The following APTX variants were observed in gnomAD, a reference collection of about 807,000 sequenced individuals.
The protein encoded by APTX is forkhead-associated domain histidine triad-like protein.
In APTX, 33 loss-of-function variants were observed where a neutral mutation model predicts 42.3. That is an observed-to-expected ratio of 0.78 (90% CI 0.59 to 1.04). The LOEUF (loss-of-function observed/expected upper bound fraction) is 1.04. Among genes scored for constraint, APTX ranks in the 50% least tolerant of loss-of-function variants. APTX has a pLI of 0.00. For synonymous variants in APTX, 130 were observed against 146.7 expected (o/e 0.89, Z 0.82); for missense variants, 421 against 415.1 (o/e 1.01, Z -0.12).
chr9:33,017,816 T>C (rs10971328), intron 1 of APTX, among the ~76,000 whole-genome samples: 10,705 of 152,114 alleles, frequency 0.07, 500 homozygotes, highest in Non-Finnish European at 0.11. Context: ...CATGATTGAT[T>C]AGGCCATTGC....
chr9:33,017,275 G>A (rs1377753648), intron 1 of APTX, among the ~76,000 whole-genome samples: 1 of 152,208 alleles, frequency 6.6e-6, no homozygotes, highest in Non-Finnish European at 1.5e-5. Context: ...CTATGAATCG[G>A]GGTGTCTTCA....
chr9:32,988,082 C>G lies in APTX; in HGVS notation c.180+1G>C. The G allele has an allele frequency of 6.2e-7, 1 of 1,613,952 alleles. No individual in the cohort carries two copies. The highest frequency in any genetic ancestry group is 1.1e-5 in the South Asian group (1 of 91,072). ...AAATTCCAAGTTATAAATACACCTA[C>G]CTGCTTTACCTTGACATATCCCTTG... On this transcript the variant is annotated splice_donor_variant, in intron 3 of 7. Transcript: ENST00000379817. LOFTEE classifies it high-confidence loss of function.
At chr9:32,985,920 G>A in intron 5 of APTX, 51 bp downstream of exon 5, 2 of 1,456,486 alleles carry the variant, frequency 1.4e-6, no homozygotes, top group African/African-American at 1.4e-5. Context: ...CCTCTGTGGA[G>A]TGGTCATTTA....
intron 2 of APTX, 179 bp downstream of exon 2, chr9:32,989,580 A>T: frequency 1.1e-6 from 1 of 932,250 alleles, no homozygotes; most frequent in South Asian, 1.3e-5. Flanking sequence ...ACATTATCAC[A>T]TTGGGAGGGC....
Position 32,973,514 on chromosome 9 carries a change from T to C in APTX, c.1013A>G (p.Lys338Arg). Reference sequence around the variant, plus strand: ...TCTGCAGAATCACTGTGTCCAGTGCTTCCTGAGATGTTCTTTCAGCTGAGG... The same window carrying C: ...TCTGCAGAATCACTGTGTCCAGTGCCTCCTGAGATGTTCTTTCAGCTGAGG... ...SIPQLKEHLR[K>R]HWTQ Residue 338 changes from lysine (K) to arginine (R), a missense_variant, in exon 8 of 8, where the codon AAG (lysine) becomes AGG (arginine). Coordinates refer to ENST00000379817, the MANE Select transcript of APTX (RefSeq NM_001195248.2). 6.2e-7 allele frequency: 1 copy of C among 1,614,148 alleles called. No homozygotes were observed. The highest frequency in any genetic ancestry group is 8.5e-7 in the Non-Finnish European group (1 of 1,180,022).
chr9:33,001,674 C>T (rs767812066), upstream of APTX: 2 of 1,587,580 alleles, frequency 1.3e-6, no homozygotes, highest in Admixed American at 3.4e-5. Flanking sequence ...AGTGACGTCA[C>T]CAGCACCTCT....
At chr9:32,999,291 C>A (rs1318908645) in intron 1 of APTX, among the ~76,000 whole-genome samples, 1 of 152,054 alleles carries the variant, frequency 6.6e-6, no homozygotes, top group Non-Finnish European at 1.5e-5. Context: ...CAGAAGGAAA[C>A]AAAAGGTGAG....
chr9:32,973,518 T>C lies in APTX; in HGVS notation c.1009A>G (p.Arg337Gly). ...PSIPQLKEHL[R>G]KHWTQ ...CAGAATCACTGTGTCCAGTGCTTCCTGAGATGTTCTTTCAGCTGAGGAATG... is the reference window on the plus strand; with the variant it reads ...CAGAATCACTGTGTCCAGTGCTTCCCGAGATGTTCTTTCAGCTGAGGAATG... The change falls in exon 8 of 8, where the codon AGG becomes GGG. Residue 337 changes from arginine to glycine, a missense_variant. Transcript: ENST00000379817. 6.2e-7 allele frequency: 1 copy of C among 1,614,148 alleles called. No individual in the cohort carries two copies. The highest frequency in any genetic ancestry group is 8.5e-7 in the Non-Finnish European group (1 of 1,180,022).
At chr9:33,016,789 G>A (rs1348367481) in intron 1 of APTX, among the ~76,000 whole-genome samples, 1 of 152,144 alleles carries the variant, frequency 6.6e-6, no homozygotes, top group African/African-American at 2.4e-5. Context: ...TGTTAGAGGA[G>A]GGCAGCCCAG....
upstream of APTX, among the ~76,000 whole-genome samples, chr9:33,006,298 G>T (rs1837137069): frequency 6.6e-6 from 1 of 152,074 alleles, no homozygotes; most frequent in Admixed American, 6.6e-5. Context: ...TAAAAATCAG[G>T]ATTCCTGATC....
At chr9:33,017,508 T>C (rs953712255) in intron 1 of APTX, among the ~76,000 whole-genome samples, 4 of 133,914 alleles carry the variant, frequency 3.0e-5, no homozygotes, top group African/African-American at 1.0e-4. Flanking sequence ...TCCCATGACG[T>C]AGTCACTTCC....
At chr9:32,994,437 G>A (rs1834359271) in intron 1 of APTX, among the ~76,000 whole-genome samples, 1 of 152,072 alleles carries the variant, frequency 6.6e-6, no homozygotes, top group African/African-American at 2.4e-5. Flanking sequence ...CCTCTTCACA[G>A]AACTAGTCCC....
At chr9:32,984,241 G>A (rs1490453940) in intron 6 of APTX, among the ~76,000 whole-genome samples, 1 of 152,140 alleles carries the variant, frequency 6.6e-6, no homozygotes, top group Non-Finnish European at 1.5e-5. Context: ...CATTACAGAA[G>A]TCTATGATGT....
At chr9:32,983,199 T>A (rs1831112233) in intron 6 of APTX, among the ~76,000 whole-genome samples, 1 of 152,162 alleles carries the variant, frequency 6.6e-6, no homozygotes, top group Admixed American at 6.6e-5. Context: ...AAAGTACATA[T>A]GTCTATGATA....
intron 1 of APTX, among the ~76,000 whole-genome samples, chr9:33,023,727 G>C (rs746890979): frequency 6.6e-6 from 1 of 152,220 alleles, no homozygotes; most frequent in Admixed American, 6.5e-5. Flanking sequence ...ACTGCGGATA[G>C]TTCTGTGACT....
At chr9:33,001,098 C>T (rs1752633883) in intron 1 of APTX, among the ~76,000 whole-genome samples, 1 of 152,098 alleles carries the variant, frequency 6.6e-6, no homozygotes, top group Non-Finnish European at 1.5e-5. Flanking sequence ...CCGCCCGCCT[C>T]GGCCTCCCAA....
intron 1 of APTX, among the ~76,000 whole-genome samples, chr9:33,010,675 T>G (rs1211220436): frequency 6.6e-6 from 1 of 150,466 alleles, no homozygotes; most frequent in Non-Finnish European, 1.5e-5. Flanking sequence ...GCCAAGATCA[T>G]GCCATTGCAC....
intron 1 of APTX, among the ~76,000 whole-genome samples, chr9:32,996,558 C>A (rs966136380): frequency 6.6e-6 from 1 of 152,172 alleles, no homozygotes; most frequent in African/African-American, 2.4e-5. Flanking sequence ...CAGGTAGGAG[C>A]CACACCTGGC....
intron 1 of APTX, among the ~76,000 whole-genome samples, chr9:32,990,808 G>A (rs1031628320): frequency 2.0e-5 from 3 of 152,162 alleles, no homozygotes; most frequent in African/African-American, 7.2e-5. Context: ...TAGTGCTTAG[G>A]TGTCTTTATG....
Sources: gnomAD v4.1 joint callset for allele counts (sites outside exome capture counted in the v4.1 genomes callset) on GRCh38, gnomAD v4.1.1 for gene constraint, MANE v1.5 for transcripts, NCBI Gene and HGNC (gene_info 2026-07-23, HGNC 2026-07-21) for gene names.